Variants in CLDN11 observed in about 807,000 individuals in gnomAD.
CLDN11 encodes claudin 11.
A neutral mutation model predicts 18.0 loss-of-function variants in CLDN11; 1 was observed. The observed-to-expected ratio is 0.06, with a 90% CI of 0.02 to 0.26. The LOEUF is 0.26. CLDN11 is among the 10% of genes least tolerant of loss of function. The pLI is 1.00. For missense variants in CLDN11, 172 were observed against 276.6 expected (o/e 0.62, Z 2.68); for synonymous variants, 116 against 121.5 (o/e 0.96, Z 0.30).
chr3:170,428,217 TTGTC>T (rs924702145), intron 2 of CLDN11, among the ~76,000 whole-genome samples: 56 of 152,166 alleles, frequency 3.7e-4, no homozygotes, highest in Non-Finnish European at 7.1e-4. Context: ...CTCTGCCTCT[TTGTC>T]TGTCTGTCTG....
chr3:170,427,247 G>A (rs966591231), intron 2 of CLDN11, among the ~76,000 whole-genome samples: 1 of 151,812 alleles, frequency 6.6e-6, no homozygotes, highest in African/African-American at 2.4e-5. Flanking sequence ...GATTTTTTTC[G>A]CTATTACTAA....
chr3:170,427,473 T>C (rs1342270429), intron 2 of CLDN11, among the ~76,000 whole-genome samples: 1 of 151,908 alleles, frequency 6.6e-6, no homozygotes, highest in Non-Finnish European at 1.5e-5. Flanking sequence ...AATATAAAAT[T>C]AGCAGGGCAT....
intron 1 of CLDN11, among the ~76,000 whole-genome samples, chr3:170,422,173 T>C (rs567770831): frequency 1.3e-5 from 2 of 152,190 alleles, no homozygotes; most frequent in Non-Finnish European, 2.9e-5. Flanking sequence ...AGTCTTAGTT[T>C]AGTCTGGGTT....
At position 170,427,577 on chromosome 3, in the gene CLDN11, C is replaced by T. The variant is rs1391064811; in HGVS notation, c.391+4250C>T. ...CAGAGGTTGTGGTGAGCCGAGATCG[C>T]ACCATTGCACTCCAGCCTGGGCAAC... On this transcript the variant is annotated intron_variant, in intron 2 of 2. Coordinates refer to ENST00000064724, the MANE Select transcript of CLDN11 (RefSeq NM_005602.6). 2.0e-5 allele frequency among the ~76,000 whole-genome samples: 3 copies of T among 152,010 alleles called. No individual in the cohort carries two copies. The East Asian group carries it at 5.8e-4, about 30-fold the overall frequency.
At chr3:170,423,603 G>A (rs1476270254) in intron 2 of CLDN11, 1 of 414,306 alleles carries the variant, frequency 2.4e-6, no homozygotes, top group Non-Finnish European at 4.4e-6. Context: ...AGACCTGAAA[G>A]ATGGAAGCCT....
intron 1 of CLDN11, 48 bp from the exon 2 acceptor site, chr3:170,423,115 A>G: frequency 6.2e-7 from 1 of 1,605,322 alleles, no homozygotes; most frequent in Non-Finnish European, 8.5e-7. Context: ...CTCAGGAAGC[A>G]AGAGAACCCT....
intron 2 of CLDN11, among the ~76,000 whole-genome samples, chr3:170,428,843 C>T (rs1738930924): frequency 6.6e-6 from 1 of 152,118 alleles, no homozygotes; most frequent in East Asian, 1.9e-4. Flanking sequence ...AGAAAAAGAA[C>T]AAAAATTCCC....
At chr3:170,432,325 T>C (rs1008656348) in intron 2 of CLDN11, among the ~76,000 whole-genome samples, 199 bp from the exon 3 acceptor site, 2 of 152,174 alleles carry the variant, frequency 1.3e-5, no homozygotes, top group Non-Finnish European at 2.9e-5. Context: ...CTGAAAAAAA[T>C]AAGGACCCAG....
chr3:170,422,038 TGATG>T (rs1738736947), intron 1 of CLDN11, among the ~76,000 whole-genome samples: 1 of 152,116 alleles, frequency 6.6e-6, no homozygotes, highest in Non-Finnish European at 1.5e-5. Context: ...TTTTAAGCAA[TGATG>T]GACAGTTGGG....
chr3:170,420,254 G>C (rs1369224442), intron 1 of CLDN11, among the ~76,000 whole-genome samples: 1 of 152,234 alleles, frequency 6.6e-6, no homozygotes, highest in Non-Finnish European at 1.5e-5. Flanking sequence ...GCACCCCCTT[G>C]GTTTTCTGCT....
In CLDN11 at chr3:170,418,871, G is replaced by A; in HGVS notation, c.-196G>A. 2.0e-6 allele frequency: 1 copy of A among 506,342 alleles called. No individual in the cohort carries two copies. The highest frequency in any genetic ancestry group is 3.5e-6 in the Non-Finnish European group (1 of 286,502). The allele number at this position is 506,342 out of a possible 1,614,324, so 31.4% of individuals were successfully genotyped here. A position where few individuals can be genotyped will look rare whatever the true frequency, so the allele number is the denominator to read the frequency against. On this transcript the variant is annotated 5_prime_UTR_variant, in exon 1 of 3. Coordinates refer to ENST00000064724, the MANE Select transcript of CLDN11 (RefSeq NM_005602.6). The surrounding 1 kb of genome is among the most constrained non-coding windows in gnomAD (Gnocchi z 4.3). ...GGGCGGGGGCGCGCTGCCCAGCAGC[G>A]CTGCTGTCCCCGCCGTGCGCCCTTC... is the stretch of plus-strand genomic sequence containing the variant.
intron 2 of CLDN11, among the ~76,000 whole-genome samples, chr3:170,427,395 G>T (rs1738884007): frequency 6.6e-6 from 1 of 152,156 alleles, no homozygotes; most frequent in African/African-American, 2.4e-5. Flanking sequence ...GCTGAGGTGG[G>T]TGGATCACCT....
intron 1 of CLDN11, among the ~76,000 whole-genome samples, chr3:170,420,904 A>G (rs2108243187): frequency 6.6e-6 from 1 of 152,278 alleles, no homozygotes; most frequent in South Asian, 2.1e-4. Flanking sequence ...TCAACCACCC[A>G]TCTTTCACGA....
In CLDN11 at chr3:170,420,607, C is replaced by T. The variant is rs139747840; in HGVS notation, c.226+1315C>T. 6.6e-5 allele frequency among the ~76,000 whole-genome samples: 10 copies of T among 152,308 alleles called. No homozygotes were observed. The East Asian group carries it at 1.9e-3, about 29-fold the overall frequency. On this transcript the variant is annotated intron_variant, in intron 1 of 2. Transcript: ENST00000064724. ...TTAAATTCCTTGAAGATAGAGATGG[C>T]GTCCTGTTATTCTCTTTGCTTCCTC...
Position 170,434,418 on chromosome 3 carries a change from C to T in CLDN11, c.*1662C>T, listed in dbSNP as rs1180319129. On this transcript the variant is annotated 3_prime_UTR_variant, in exon 3 of 3. Coordinates refer to ENST00000064724, the MANE Select transcript of CLDN11 (RefSeq NM_005602.6). ...GTTAATGTCCTTCATCTACTTCTAA[C>T]ACTTAGTAAAGGAATTGATTGGCTA... Among the ~76,000 whole-genome samples the T allele has an allele frequency of 6.6e-6, 1 of 152,202 alleles. No homozygotes were observed. The highest frequency in any genetic ancestry group is 1.5e-5 in the Non-Finnish European group (1 of 68,036).
Position 170,419,859 on chromosome 3 carries a change from T to C in CLDN11, c.226+567T>C, listed in dbSNP as rs1738680166. Among the ~76,000 whole-genome samples the C allele has an allele frequency of 2.0e-5, 3 of 152,376 alleles. No individual in the cohort carries two copies. The highest frequency in any genetic ancestry group is 4.1e-4 in the South Asian group (2 of 4,832). On this transcript the variant is annotated intron_variant, in intron 1 of 2. Coordinates refer to ENST00000064724, the MANE Select transcript of CLDN11 (RefSeq NM_005602.6). The surrounding 1 kb of genome is among the most constrained non-coding windows in gnomAD (Gnocchi z 8.6). Reference sequence around the variant, plus strand: ...TGAGCAATTCACGTCCAGGGCTCTCTGGGCTGCCTGGTTTGGGAAATGTCA... The same window carrying C: ...TGAGCAATTCACGTCCAGGGCTCTCCGGGCTGCCTGGTTTGGGAAATGTCA...
chr3:170,423,715 T>C (rs1738775002), intron 2 of CLDN11: 1 of 187,054 alleles, frequency 5.3e-6, no homozygotes, highest in Admixed American at 5.3e-5. Flanking sequence ...GGCAAAGATA[T>C]TTTTTGAAAG....
intron 2 of CLDN11, chr3:170,423,557 A>T (rs887838208): frequency 3.8e-6 from 2 of 522,082 alleles, no homozygotes; most frequent in African/African-American, 3.8e-5. Context: ...TTAAAAAGAG[A>T]AAGAGGATTT....
chr3:170,426,201 GA>G (rs1738847259), intron 2 of CLDN11, among the ~76,000 whole-genome samples: 1 of 152,166 alleles, frequency 6.6e-6, no homozygotes, highest in Non-Finnish European at 1.5e-5. Context: ...ACTGCTAATT[GA>G]AATCAGTTTT....
Sources: allele counts gnomAD v4.1 joint callset (sites outside exome capture counted in the v4.1 genomes callset), GRCh38; gene constraint gnomAD v4.1.1; non-coding constraint Gnocchi (gnomAD v3.1); transcripts MANE v1.5; gene names NCBI Gene and HGNC (gene_info 2026-07-23, HGNC 2026-07-21).